TTC39C: variants seen among roughly 807,000 people sequenced by gnomAD.
The protein encoded by TTC39C is tetratricopeptide repeat domain 39C.
A neutral mutation model predicts 76.3 loss-of-function variants in TTC39C; 33 were observed. The observed-to-expected ratio is 0.43, with a 90% CI of 0.33 to 0.58. The LOEUF (loss-of-function observed/expected upper bound fraction) is 0.58. Ranked by LOEUF, TTC39C falls within the 20% of genes least tolerant of loss-of-function variation. TTC39C has a pLI of 0.04. For missense variants in TTC39C, 595 were observed against 701.4 expected, an observed-to-expected ratio of 0.85 and a Z score of 1.71; for synonymous variants, 254 against 260.6, an observed-to-expected ratio of 0.97 and a Z score of 0.24.
At position 24,132,877 on chromosome 18, in the gene TTC39C, G is replaced by T; in HGVS notation, c.*303G>T. On this transcript the variant is annotated 3_prime_UTR_variant, in exon 14 of 14. Transcript: ENST00000317571. The stretch of plus-strand genomic sequence containing the variant: ...ATTATTTTTAAAATAAAATCAAACG[G>T]AACATCCAACCCAAGATCCTGTAGG... 1 of 234,576 alleles carries T rather than the reference G, an allele frequency of 4.3e-6. No homozygotes were observed. The highest frequency in any genetic ancestry group is 8.2e-6 in the Non-Finnish European group (1 of 122,342). The allele number at this position is 234,576 out of a possible 1,614,324, so 14.5% of individuals were successfully genotyped here.
chr18:24,097,477 G>A (rs1199282286), intron 6 of TTC39C, among the ~76,000 whole-genome samples: 1 of 152,168 alleles, frequency 6.6e-6, no homozygotes, highest in Non-Finnish European at 1.5e-5. Flanking sequence ...CAGCTGATCT[G>A]GGTGCAGTGG....
intron 1 of TTC39C, among the ~76,000 whole-genome samples, chr18:24,036,621 A>T (rs746200887): frequency 4.0e-5 from 6 of 151,566 alleles, no homozygotes; most frequent in African/African-American, 7.3e-5. Context: ...TTTTTAGGGG[A>T]TATTTTTGTT....
chr18:24,086,270 T>C (rs1315065071), intron 6 of TTC39C, among the ~76,000 whole-genome samples: 1 of 152,204 alleles, frequency 6.6e-6, no homozygotes, highest in African/African-American at 2.4e-5. Context: ...TGACTCAGAA[T>C]CTGTGAAATT....
chr18:24,116,635 A>C (rs28582690), intron 7 of TTC39C, among the ~76,000 whole-genome samples: 61,035 of 151,772 alleles, frequency 0.4, 12,583 homozygotes, highest in African/African-American at 0.5. Context: ...TATATCTCAC[A>C]CACTCTTCCT....
intron 9 of TTC39C, among the ~76,000 whole-genome samples, chr18:24,124,571 A>G (rs972484089): frequency 1.3e-5 from 2 of 152,206 alleles, no homozygotes; most frequent in South Asian, 2.1e-4. Flanking sequence ...TGTGAATACA[A>G]TGTTGCCGTA....
In TTC39C at chr18:24,066,093, G is replaced by T. The variant is rs1485966038; in HGVS notation, c.298G>T (p.Glu100Ter). The change falls in exon 3 of 14, where the codon GAA becomes TAA. Residue 100 changes from glutamate to a stop codon, truncating the protein, a stop_gained. Coordinates refer to ENST00000317571, the MANE Select transcript of TTC39C (RefSeq NM_001135993.2). LOFTEE classifies it high-confidence loss of function. ...LKTTEKLCES[E>*]EAGVIETIKN... is the part of the protein sequence containing the mutation. ...AACCACAGAAAAACTGTGTGAAAGT[G>T]AAGAGGCTGGAGTAATTGAAACAAT... 1 of 1,600,886 alleles carries T rather than the reference G, an allele frequency of 6.2e-7. No homozygotes were observed. The highest frequency in any genetic ancestry group is 8.5e-7 in the Non-Finnish European group (1 of 1,176,940).
intron 10 of TTC39C, among the ~76,000 whole-genome samples, chr18:24,128,037 C>G (rs1255646141): frequency 2.0e-5 from 3 of 150,356 alleles, no homozygotes; most frequent in Non-Finnish European, 4.5e-5. Context: ...GTCCTCCTCC[C>G]TGCTCTCAGA....
intron 6 of TTC39C, among the ~76,000 whole-genome samples, chr18:24,103,297 A>C (rs1167758785): frequency 6.6e-6 from 1 of 152,240 alleles, no homozygotes; most frequent in African/African-American, 2.4e-5. Context: ...CCTGAGTATT[A>C]TTGACTATAA....
At chr18:24,022,674 G>A (rs1447761443) in intron 1 of TTC39C, 1 of 985,310 alleles carries the variant, frequency 1.0e-6, no homozygotes, top group African/African-American at 1.7e-5. Context: ...GTCTTCAGGG[G>A]AGATGTCACC....
At chr18:24,023,010 T>G (rs537399722) in intron 1 of TTC39C, among the ~76,000 whole-genome samples, 1 of 152,132 alleles carries the variant, frequency 6.6e-6, no homozygotes, top group African/African-American at 2.4e-5. Flanking sequence ...GATGCTAGAG[T>G]TGGGTAATAC....
At chr18:24,069,695 C>A (rs1265715678) in intron 4 of TTC39C, among the ~76,000 whole-genome samples, 1 of 152,160 alleles carries the variant, frequency 6.6e-6, no homozygotes, top group Non-Finnish European at 1.5e-5. Context: ...CGTTAAAGAT[C>A]ATTAAAGATT....
intron 1 of TTC39C, among the ~76,000 whole-genome samples, chr18:24,045,916 TATATATA>T (rs1568417430): frequency 1.8e-3 from 70 of 39,260 alleles, no homozygotes; most frequent in East Asian, 0.012. Context: ...TATATATATA[TATATATA>T]TATATTTTTT....
intron 1 of TTC39C, among the ~76,000 whole-genome samples, chr18:24,030,693 C>T (rs2083658649): frequency 8.6e-6 from 1 of 116,254 alleles, no homozygotes; most frequent in African/African-American, 3.0e-5. Flanking sequence ...GCTCTGTCAC[C>T]AGGCTAAAGT....
At chr18:24,090,911 A>C in intron 6 of TTC39C, among the ~76,000 whole-genome samples, 1 of 142,418 alleles carries the variant, frequency 7.0e-6, no homozygotes, top group East Asian at 2.1e-4. Context: ...GGTTCAAGCG[A>C]TTCTCATGCC....
intron 4 of TTC39C, among the ~76,000 whole-genome samples, chr18:24,074,947 TAC>T (rs2084284547): frequency 6.6e-6 from 1 of 152,164 alleles, no homozygotes; most frequent in South Asian, 2.1e-4. Flanking sequence ...GTGGCACATA[TAC>T]ACCATGGAAT....
chr18:24,108,447 A>G (rs548105987), intron 6 of TTC39C, among the ~76,000 whole-genome samples: 2 of 152,310 alleles, frequency 1.3e-5, no homozygotes, highest in Non-Finnish European at 2.9e-5. Context: ...AACTCTAGAC[A>G]TGGAAACTTT....
chr18:24,126,192 A>G (rs535534449), intron 10 of TTC39C, among the ~76,000 whole-genome samples: 4 of 152,292 alleles, frequency 2.6e-5, no homozygotes, highest in South Asian at 4.2e-4. Flanking sequence ...TGCCTACAAA[A>G]GAAAAAGGGG....
chr18:24,125,326 C>T (rs147643194), intron 9 of TTC39C, 101 bp from the exon 10 acceptor site: 5 of 1,418,452 alleles, frequency 3.5e-6, no homozygotes, highest in Non-Finnish European at 4.8e-6. Context: ...GAGGGTCATT[C>T]ACATTGATGA....
rs957462287 is a variant in TTC39C, at chr18:24,133,120, T to C, written c.*546T>C. On this transcript the variant is annotated 3_prime_UTR_variant, in exon 14 of 14. Transcript: ENST00000317571. ...TGAAACTCAGGCACAAAAAGGCAAA[T>C]TGACTTATCCCAATTAATTATTCCT... 2.6e-5 allele frequency: 4 copies of C among 152,200 alleles called. No homozygotes were observed. Among genetic ancestry groups the C allele is most frequent in the African/African-American group, 7.2e-5 (3 of 41,442 alleles). 9.4% of individuals were successfully genotyped at this position (152,200 alleles called of 1,614,324 possible).
Sources: gnomAD v4.1 joint callset for allele counts (sites outside exome capture counted in the v4.1 genomes callset) on GRCh38, gnomAD v4.1.1 for gene constraint, MANE v1.5 for transcripts, NCBI Gene and HGNC (gene_info 2026-07-23, HGNC 2026-07-21) for gene names.